The following TEX11 variants were observed in gnomAD, a reference collection of about 807,000 sequenced individuals.
The protein encoded by TEX11 is testis expressed 11.
In TEX11, 7 loss-of-function variants were observed where a neutral mutation model predicts 84.4. That is an observed-to-expected ratio of 0.08 (90% CI 0.05 to 0.16). The LOEUF (loss-of-function observed/expected upper bound fraction) is 0.16. Ranked by LOEUF, TEX11 falls within the 10% of genes least tolerant of loss-of-function variation. TEX11 has a pLI of 1.00. For missense variants in TEX11, 551 were observed against 660.5 expected, an observed-to-expected ratio of 0.83 and a Z score of 1.82; for synonymous variants, 264 against 222.8, an observed-to-expected ratio of 1.18 and a Z score of -1.64.
intron 9 of TEX11, among the ~76,000 whole-genome samples, chrX:70,751,736 A>C (rs2090827502): frequency 8.9e-6 from 1 of 112,131 alleles, no homozygotes; most frequent in African/African-American, 3.2e-5. Context: ...GGTAAGCAAA[A>C]AGTGAGAGAA....
chrX:70,550,491 C>T (rs1227769053), intron 28 of TEX11, among the ~76,000 whole-genome samples: 1 of 111,667 alleles, frequency 9.0e-6, no homozygotes, highest in Non-Finnish European at 1.9e-5. Flanking sequence ...TTACATACTA[C>T]CCCTCTGATA....
intron 2 of TEX11, among the ~76,000 whole-genome samples, chrX:70,886,677 G>A (rs1408977048): frequency 9.0e-6 from 1 of 111,530 alleles, no homozygotes; most frequent in East Asian, 2.8e-4. Flanking sequence ...CAAATCTGAT[G>A]GCCAGTATAA....
chrX:70,540,952 T>G (rs1603039647), intron 28 of TEX11, among the ~76,000 whole-genome samples: 1 of 112,399 alleles, frequency 8.9e-6, no homozygotes, highest in South Asian at 3.7e-4. Context: ...TGGTGGCTCA[T>G]GCCTATAATC....
intron 9 of TEX11, among the ~76,000 whole-genome samples, chrX:70,788,973 T>TATATATATAG (rs1211700739): frequency 3.1e-4 from 3 of 9,560 alleles, no homozygotes; most frequent in African/African-American, 3.8e-4. Flanking sequence ...TATATATATA[T>TATATATATAG]AGAGAGAGAG....
chrX:70,784,277 A>G (rs1170694880), intron 9 of TEX11, among the ~76,000 whole-genome samples: 1 of 111,679 alleles, frequency 9.0e-6, no homozygotes, highest in Non-Finnish European at 1.9e-5. Flanking sequence ...AAAATTCAAC[A>G]GCTCTTCATG....
intron 13 of TEX11, among the ~76,000 whole-genome samples, chrX:70,688,188 T>A (rs988591061): frequency 1.8e-5 from 2 of 111,560 alleles, no homozygotes; most frequent in African/African-American, 6.5e-5. Flanking sequence ...CTAAGACATG[T>A]CATAGTCAAA....
At chrX:70,609,228 C>T (rs746072857) in intron 21 of TEX11, 51 bp from the exon 22 acceptor site, 1 of 1,072,453 alleles carries the variant, frequency 9.3e-7, no homozygotes, top group Admixed American at 2.6e-5. Flanking sequence ...TATACTCTAG[C>T]AAAATTGTTT....
intron 9 of TEX11, among the ~76,000 whole-genome samples, chrX:70,759,057 C>A (rs1186522741): frequency 1.8e-5 from 2 of 111,683 alleles, no homozygotes; most frequent in Admixed American, 9.5e-5. Flanking sequence ...CCTCCCAAGA[C>A]TAAACCAGGA....
intron 13 of TEX11, among the ~76,000 whole-genome samples, chrX:70,706,385 A>G (rs2090376115): frequency 9.0e-6 from 1 of 110,546 alleles, no homozygotes; most frequent in African/African-American, 3.3e-5. Context: ...GCAGCACACC[A>G]TCATGGCGCA....
At chrX:70,590,937 C>T (rs111772377) in intron 25 of TEX11, among the ~76,000 whole-genome samples, 12,742 of 110,080 alleles carry the variant, frequency 0.12, 625 homozygotes, top group Middle Eastern at 0.19. Context: ...TTGGTAGAGA[C>T]GGGCTTTCTC....
intron 7 of TEX11, among the ~76,000 whole-genome samples, chrX:70,848,776 C>T (rs768177556): frequency 8.9e-5 from 10 of 111,898 alleles, no homozygotes; most frequent in African/African-American, 3.2e-4. Flanking sequence ...CTGGCTTTCA[C>T]TTGGCTTGTA....
At position 70,630,449 on chromosome X, in the gene TEX11, A is replaced by C. The variant is rs762136695; in HGVS notation, c.1484-714T>G. ...ATAAAAAATTGAGTAGCTGTGTGTT[A>C]TATTCCATTATATTCTTAAAGGTGG... On this transcript the variant is annotated intron_variant, in intron 17 of 29. Transcript: ENST00000374333. Among the ~76,000 whole-genome samples, 3 of 111,453 alleles carry C rather than the reference A, an allele frequency of 2.7e-5. No individual in the cohort carries two copies. In the South Asian group the frequency reaches 1.1e-3, roughly 42 times the overall value.
intron 23 of TEX11, among the ~76,000 whole-genome samples, chrX:70,606,676 G>A (rs2089198216): frequency 9.0e-6 from 1 of 111,593 alleles, no homozygotes; most frequent in African/African-American, 3.3e-5. Context: ...AGGACTTTGG[G>A]AGGCTGAGAT....
At chrX:70,597,392 A>G (rs750085219) in intron 24 of TEX11, among the ~76,000 whole-genome samples, 1 of 111,941 alleles carries the variant, frequency 8.9e-6, no homozygotes, top group South Asian at 3.7e-4. Flanking sequence ...ACATAAAGCT[A>G]TAATTATCAA....
intron 28 of TEX11, among the ~76,000 whole-genome samples, chrX:70,535,754 A>C (rs2087948536): frequency 9.1e-6 from 1 of 109,803 alleles, no homozygotes; most frequent in South Asian, 3.9e-4. Flanking sequence ...TTTCAAAAAA[A>C]AACCCACAAA....
chrX:70,547,005 C>T (rs1196651055), intron 28 of TEX11, among the ~76,000 whole-genome samples: 2 of 89,740 alleles, frequency 2.2e-5, no homozygotes, highest in Non-Finnish European at 4.2e-5. Flanking sequence ...GTGTTATATC[C>T]ATTCCCTAGA....
chrX:70,573,171 A>G (rs1212115607), intron 25 of TEX11, among the ~76,000 whole-genome samples: 2 of 110,203 alleles, frequency 1.8e-5, no homozygotes, highest in Admixed American at 1.9e-4. Context: ...ACCATAACAA[A>G]CCTGTCTCCT....
At position 70,852,907 on chromosome X, in the gene TEX11, G is replaced by T. The variant is rs1437579353; in HGVS notation, c.525+127C>A. The T allele has an allele frequency of 6.3e-6, 4 of 630,850 alleles. No individual in the cohort carries two copies. The Admixed American group carries it at 1.5e-4, about 24-fold the overall frequency. The allele number at this position is 630,850 out of a possible 1,213,427, so 52.0% of individuals were successfully genotyped here. On this transcript the variant is annotated intron_variant, in intron 7 of 29. Transcript: ENST00000374333. ...CCTTCAGATATAACAGAGATAAAAA[G>T]GTCAAATTAATATCCTATAAAAGGC...
intron 9 of TEX11, among the ~76,000 whole-genome samples, chrX:70,764,298 A>G (rs1602108673): frequency 8.9e-6 from 1 of 111,923 alleles, no homozygotes; most frequent in East Asian, 2.8e-4. Context: ...GAAACATCAC[A>G]TACCAAAATG....
Sources: gnomAD v4.1 joint callset for allele counts (sites outside exome capture counted in the v4.1 genomes callset) on GRCh38, gnomAD v4.1.1 for gene constraint, MANE v1.5 for transcripts, NCBI Gene and HGNC (gene_info 2026-07-23, HGNC 2026-07-21) for gene names.